TEP1: variants seen among roughly 807,000 people sequenced by gnomAD.
TEP1 encodes the protein telomerase associated protein 1.
TEP1 carries 241 observed loss-of-function variants against 306.3 expected under a neutral mutation model. The ratio of observed to expected loss-of-function variants is 0.79; its 90% CI spans 0.71 to 0.88. TEP1 has a LOEUF of 0.88. TEP1 is among the 40% of genes least tolerant of loss of function. The pLI is 0.00. For synonymous variants in TEP1, 1,289 were observed against 1,305.5 expected, an observed-to-expected ratio of 0.99 and a Z score of 0.27; for missense variants, 3,051 against 3,276.1, an observed-to-expected ratio of 0.93 and a Z score of 1.68.
At chr14:20,412,293 C>T (rs577554312) in intron 1 of TEP1, among the ~76,000 whole-genome samples, 10 of 152,068 alleles carry the variant, frequency 6.6e-5, no homozygotes, top group African/African-American at 2.4e-4. Context: ...GATCTCAAGC[C>T]AAAAATAAAC....
In TEP1 at chr14:20,403,813, T is replaced by A. The variant is rs1878954047; in HGVS notation, c.1104A>T (p.Lys368Asn). Residue 368 changes from lysine to asparagine, a missense_variant, in exon 6 of 55, where the codon AAA becomes AAT. Physicochemically the swap from Lys to Asn is moderately conservative, Grantham distance 94 (BLOSUM62 0). Transcript: ENST00000262715. ...PACLRTAMTD[K>N]FAQFDEYQLA... Reference sequence around the variant, plus strand: ...GCTGGTACTCGTCAAACTGGGCAAATTTGTCCGTCATGGCAGTACGGAGAC... The same window carrying A: ...GCTGGTACTCGTCAAACTGGGCAAAATTGTCCGTCATGGCAGTACGGAGAC... 1.2e-6 allele frequency: 2 copies of A among 1,613,822 alleles called. No homozygotes were observed. Among genetic ancestry groups the A allele is most frequent in the South Asian group, 2.2e-5 (2 of 91,070 alleles).
chr14:20,405,645 T>C, intron 3 of TEP1, 60 bp from the exon 4 acceptor site: 1 of 1,583,198 alleles, frequency 6.3e-7, no homozygotes, highest in East Asian at 2.2e-5. Context: ...AACTTAAGCA[T>C]CCATGCAGAC....
chr14:20,397,301 T>C (rs1270521043), intron 9 of TEP1, among the ~76,000 whole-genome samples: 1 of 152,082 alleles, frequency 6.6e-6, no homozygotes, highest in Non-Finnish European at 1.5e-5. Flanking sequence ...CAAGGCACAA[T>C]ATCCATTTAA....
chr14:20,399,629 T>A (rs1299423728), intron 9 of TEP1, among the ~76,000 whole-genome samples: 1 of 120,634 alleles, frequency 8.3e-6, no homozygotes, highest in Non-Finnish European at 1.7e-5. Flanking sequence ...AGGCCCTGTT[T>A]CTTAAAAAAA....
At position 20,369,683 on chromosome 14, in the gene TEP1, G is replaced by T. The variant is rs1383417172; in HGVS notation, c.7414C>A (p.Pro2472Thr). Reference sequence around the variant, plus strand: ...TCCTGTTACCACTCACCAGATTCAGGTTTGGCTTGAGTTATCGATATTAGG... The same window carrying T: ...TCCTGTTACCACTCACCAGATTCAGTTTTGGCTTGAGTTATCGATATTAGG... ...RTLISITQAK[P>T]ESESSFLCAS... Residue 2472 changes from proline (P) to threonine (T), a missense_variant, in exon 52 of 55, where the codon CCT becomes ACT. Physicochemically the swap from Pro to Thr is conservative, Grantham distance 38. Transcript: ENST00000262715. The T allele has an allele frequency of 6.2e-7, 1 of 1,614,046 alleles. No individual in the cohort carries two copies. Among genetic ancestry groups the T allele is most frequent in the Non-Finnish European group, 8.5e-7 (1 of 1,179,948 alleles).
chr14:20,400,794 G>A (rs1878647823), intron 9 of TEP1, 190 bp downstream of exon 9: 1 of 650,814 alleles, frequency 1.5e-6, no homozygotes, highest in Non-Finnish European at 2.6e-6. Context: ...GATCTATGAT[G>A]CCAACATTAC....
Position 20,388,141 on chromosome 14 carries a change from G to A in TEP1, c.2526-78C>T, listed in dbSNP as rs190338989. ...TGAGGTCTTCCGAAAAGGGCAGGGG[G>A]AAAAAGATATGTCCAGGTTTGGTGA... On this transcript the variant is annotated intron_variant, in intron 17 of 54. Coordinates refer to ENST00000262715, the MANE Select transcript of TEP1 (RefSeq NM_007110.5). 3.3e-3 allele frequency: 5,010 copies of A among 1,522,226 alleles called. 29 individuals carry two copies. The highest frequency in any genetic ancestry group is 3.3e-3 in the Non-Finnish European group (3,686 of 1,113,966). 94.3% of individuals were successfully genotyped at this position (1,522,226 alleles called of 1,614,324 possible).
intron 17 of TEP1, 73 bp downstream of exon 17, chr14:20,389,165 A>G (rs1877485672): frequency 3.1e-6 from 4 of 1,303,494 alleles, no homozygotes; most frequent in Non-Finnish European, 2.2e-6. Context: ...AAAAAAAGTG[A>G]CTGGAGTAGA....
At chr14:20,399,882 C>T (rs1878526247) in intron 9 of TEP1, among the ~76,000 whole-genome samples, 1 of 151,858 alleles carries the variant, frequency 6.6e-6, no homozygotes, top group African/African-American at 2.4e-5. Flanking sequence ...CTTCATATGG[C>T]TGGGCGTGGT....
At position 20,394,917 on chromosome 14, in the gene TEP1, A is replaced by G. The variant is rs76626967; in HGVS notation, c.1928+533T>C. Among the ~76,000 whole-genome samples the G allele has an allele frequency of 4.2e-3, 635 of 152,324 alleles. 10 individuals are homozygous for G. The highest frequency in any genetic ancestry group is 0.035 in the Admixed American group (528 of 15,302). On this transcript the variant is annotated intron_variant, in intron 12 of 54. Coordinates refer to ENST00000262715, the MANE Select transcript of TEP1 (RefSeq NM_007110.5). ...GAGTAAAAATAAGTGTAAGATACTG[A>G]TGAACCACTTAAAAAGACAGCTGAG...
chr14:20,397,832 C>T (rs2139151239), intron 9 of TEP1, among the ~76,000 whole-genome samples: 1 of 152,164 alleles, frequency 6.6e-6, no homozygotes, highest in East Asian at 1.9e-4. Flanking sequence ...CAGCTCACTG[C>T]AACCTCTGAT....
intron 33 of TEP1, 21 bp from the exon 34 acceptor site, chr14:20,380,496 G>A (rs1458305691): frequency 1.9e-6 from 3 of 1,600,006 alleles, no homozygotes; most frequent in Non-Finnish European, 2.6e-6. Context: ...GTGGCAGAAT[G>A]TCACTGGGGA....
In TEP1 at chr14:20,376,208, C is replaced by A. The variant is rs756362969; in HGVS notation, c.6145G>T (p.Glu2049Ter). ...AGCTCAGTGCCACAGGGAAAGTCTTCTGCCTTGTGTGGCCGCGTCAGCAGC... is the reference window on the plus strand; with the variant it reads ...AGCTCAGTGCCACAGGGAAAGTCTTATGCCTTGTGTGGCCGCGTCAGCAGC... ...RQLLTRPHKA[E>*]DFPCGTELRG... The change falls in exon 42 of 55, where the codon GAA (glutamate) becomes TAA (stop). Residue 2049 changes from glutamate (E) to a stop codon, truncating the protein, a stop_gained. Transcript: ENST00000262715. LOFTEE classifies it high-confidence loss of function. The A allele has an allele frequency of 6.2e-7, 1 of 1,614,204 alleles. No homozygotes were observed. Among genetic ancestry groups the A allele is most frequent in the Non-Finnish European group, 8.5e-7 (1 of 1,180,038 alleles).
At chr14:20,386,710 G>A (rs370870453) in intron 18 of TEP1, 87 bp from the exon 19 acceptor site, 34 of 1,367,068 alleles carry the variant, frequency 2.5e-5, no homozygotes, top group East Asian at 2.2e-4. Context: ...CTTTAGCACT[G>A]AGCACAAGCC....
chr14:20,389,424 C>G (rs139716447), intron 16 of TEP1, 127 bp from the exon 17 acceptor site: 1 of 1,417,850 alleles, frequency 7.1e-7, no homozygotes, highest in Non-Finnish European at 9.9e-7. Flanking sequence ...TAGGCTAGGG[C>G]TAGGGTGGAC....
At position 20,395,629 on chromosome 14, in the gene TEP1, T is replaced by A; in HGVS notation, c.1751-2A>T. 1.3e-6 allele frequency: 2 copies of A among 1,592,744 alleles called. No homozygotes were observed. Among genetic ancestry groups the A allele is most frequent in the Non-Finnish European group, 1.7e-6 (2 of 1,162,592 alleles). On this transcript the variant is annotated splice_acceptor_variant, in intron 11 of 54. Coordinates refer to ENST00000262715, the MANE Select transcript of TEP1 (RefSeq NM_007110.5). LOFTEE classifies it high-confidence loss of function. ...TTATATTCGAAGGAAAGGGCAATGC[T>A]GTATGATGACAGGTAAATTTCCGAG...
chr14:20,405,158 A>G (rs1879079387), intron 4 of TEP1, among the ~76,000 whole-genome samples: 1 of 152,196 alleles, frequency 6.6e-6, no homozygotes, highest in African/African-American at 2.4e-5. Flanking sequence ...AATGTTCACT[A>G]TCTAATATTC....
Position 20,383,776 on chromosome 14 carries a change from A to T in TEP1, c.3677T>A (p.Leu1226Gln). The change falls in exon 25 of 55, where the codon CTA (leucine) becomes CAA (glutamine). Residue 1226 changes from leucine (L) to glutamine (Q), a missense_variant. By Grantham distance (113) the Leu-to-Gln change is moderately radical. Coordinates refer to ENST00000262715, the MANE Select transcript of TEP1 (RefSeq NM_007110.5). The part of the protein sequence containing the change: ...RRLCTYLRGQ[L>Q]KEPGALPSTY... The stretch of plus-strand genomic sequence containing the variant: ...GCTGGGGAGGGCACCTGGCTCTTTT[A>T]GTTGGCCACGCAGATAGGTACAGAG... 6.2e-7 allele frequency: 1 copy of T among 1,611,636 alleles called. No individual in the cohort carries two copies. The highest frequency in any genetic ancestry group is 1.1e-5 in the South Asian group (1 of 90,614).
rs951241940 is a variant in TEP1, at chr14:20,387,953, G to A, written c.2636C>T (p.Pro879Leu). ...PGKTGVQSLR[P>L]LEEDTPSPLA... ...GGGGCTTGGAGTGTCCTCTTCCAGT[G>A]GCCGGAGAGACTGGACCCCTGTCTT... The change falls in exon 18 of 55, where the codon CCA becomes CTA. Residue 879 changes from proline (P) to leucine (L), a missense_variant. Physicochemically the swap from Pro to Leu is moderately conservative, Grantham distance 98. Around this residue, in one of 3 missense-constraint regions of TEP1, gnomAD observed 1,507 missense variants for 1,550.5 expected, o/e 0.97. Coordinates refer to ENST00000262715, the MANE Select transcript of TEP1 (RefSeq NM_007110.5). 3.7e-6 allele frequency: 6 copies of A among 1,613,954 alleles called. No homozygotes were observed. The highest frequency in any genetic ancestry group is 5.1e-6 in the Non-Finnish European group (6 of 1,180,000).
Sources: gnomAD v4.1 joint callset for allele counts (sites outside exome capture counted in the v4.1 genomes callset) on GRCh38, gnomAD v4.1.1 for gene constraint, gnomAD v4.1.1 regional missense constraint, MANE v1.5 for transcripts, NCBI Gene and HGNC (gene_info 2026-07-23, HGNC 2026-07-21) for gene names.